SLC16A12: variants seen among roughly 807,000 people sequenced by gnomAD.
The protein encoded by SLC16A12 is solute carrier family 16 member 12, also known as monocarboxylate transporter 12.
SLC16A12 carries 17 observed loss-of-function variants against 42.4 expected under a neutral mutation model. The observed-to-expected ratio is 0.40, with a 90% confidence interval of 0.27 to 0.60. The LOEUF (loss-of-function observed/expected upper bound fraction) is 0.60. Ranked by LOEUF, SLC16A12 falls within the 20% of genes least tolerant of loss-of-function variation. SLC16A12 has a pLI of 0.42. For synonymous variants in SLC16A12, 224 were observed against 229.4 expected, an observed-to-expected ratio of 0.98 and a Z score of 0.21; for missense variants, 544 against 623.0, an observed-to-expected ratio of 0.87 and a Z score of 1.35.
intron 2 of SLC16A12, among the ~76,000 whole-genome samples, chr10:89,464,743 G>C (rs1842364072): frequency 6.6e-6 from 1 of 152,182 alleles, no homozygotes. Flanking sequence ...TTGGTGGCTT[G>C]TGACTTCAGA....
chr10:89,521,128 G>A (rs940225173), intron 2 of SLC16A12, among the ~76,000 whole-genome samples: 1 of 152,226 alleles, frequency 6.6e-6, no homozygotes, highest in South Asian at 2.1e-4. Context: ...AAATGCTGAA[G>A]TTGAGGACTT....
intron 2 of SLC16A12, among the ~76,000 whole-genome samples, chr10:89,549,230 A>G (rs1462661635): frequency 1.3e-5 from 2 of 152,246 alleles, no homozygotes; most frequent in Admixed American, 1.3e-4. Flanking sequence ...TTGAAGGAAT[A>G]TTTGATCAGG....
chr10:89,477,577 A>G (rs1009809906), intron 2 of SLC16A12, among the ~76,000 whole-genome samples: 1 of 151,678 alleles, frequency 6.6e-6, no homozygotes, highest in East Asian at 1.9e-4. Context: ...AAAAAAAAAA[A>G]AAAAAAAAAA....
intron 2 of SLC16A12, among the ~76,000 whole-genome samples, chr10:89,478,383 A>T (rs1178263384): frequency 6.6e-6 from 1 of 152,230 alleles, no homozygotes; most frequent in Non-Finnish European, 1.5e-5. Flanking sequence ...GTCAGAGAAC[A>T]GGGTGGAAGT....
intron 3 of SLC16A12, among the ~76,000 whole-genome samples, chr10:89,453,990 C>T (rs965027430): frequency 2.0e-5 from 3 of 151,502 alleles, no homozygotes; most frequent in South Asian, 2.1e-4. Flanking sequence ...CTCTCTTTAA[C>T]CTTTTTACTT....
intron 5 of SLC16A12, among the ~76,000 whole-genome samples, chr10:89,440,095 A>AAAG (rs1267490525): frequency 1.3e-5 from 2 of 151,338 alleles, no homozygotes; most frequent in African/African-American, 4.9e-5. Flanking sequence ...AAAAAAAAAA[A>AAAG]AAAAAGATCA....
At chr10:89,547,430 T>TA (rs1259651491) in intron 2 of SLC16A12, among the ~76,000 whole-genome samples, 2 of 152,232 alleles carry the variant, frequency 1.3e-5, no homozygotes, top group African/African-American at 4.8e-5. Flanking sequence ...CTATACTAGC[T>TA]AAATCCAGTA....
chr10:89,436,098 A>T lies in SLC16A12; in HGVS notation c.1250T>A (p.Leu417His). 6.2e-7 allele frequency: 1 copy of T among 1,614,016 alleles called. No individual in the cohort carries two copies. The highest frequency in any genetic ancestry group is 8.5e-7 in the Non-Finnish European group (1 of 1,179,946). The change falls in exon 7 of 8, where the codon CTT becomes CAT. Residue 417 changes from leucine to histidine, a missense_variant. Physicochemically the swap from Leu to His is moderately conservative, Grantham distance 99. Transcript: ENST00000371790. ...LSSALGVVYFLHAVPYLVSPP... is the reference protein window; with the variant it reads ...LSSALGVVYFHHAVPYLVSPP... ...GCTCACCAAGTATGGCACTGCGTGA[A>T]GGAAGTATACCACACCAAGCGCTGA...
chr10:89,504,782 A>T lies in SLC16A12; in HGVS notation c.-47+29719T>A, dbSNP rs545133635. ...GAAGGTGGATGAGAGAAGCAGAAAG[A>T]CATATGCTGGGGCCTGATTACAATG... On this transcript the variant is annotated intron_variant, in intron 2 of 7. Transcript: ENST00000371790. Among the ~76,000 whole-genome samples, 6 of 152,302 alleles carry T rather than the reference A, an allele frequency of 3.9e-5. No homozygotes were observed. The South Asian group carries it at 1.2e-3, about 32-fold the overall frequency.
intron 2 of SLC16A12, among the ~76,000 whole-genome samples, chr10:89,497,467 A>C (rs1320790490): frequency 6.6e-6 from 1 of 152,218 alleles, no homozygotes; most frequent in Non-Finnish European, 1.5e-5. Context: ...GAACTCAAAG[A>C]CCAGGTCTTT....
intron 2 of SLC16A12, among the ~76,000 whole-genome samples, chr10:89,490,519 G>A (rs527462471): frequency 1.3e-5 from 2 of 152,210 alleles, no homozygotes; most frequent in African/African-American, 4.8e-5. Context: ...ACAGAACTCA[G>A]GGAAAAATCT....
At chr10:89,532,197 A>G (rs1390140412) in intron 2 of SLC16A12, among the ~76,000 whole-genome samples, 1 of 152,244 alleles carries the variant, frequency 6.6e-6, no homozygotes, top group Non-Finnish European at 1.5e-5. Context: ...TTCATGCAAC[A>G]TCTTACCTGG....
rs1011685672 is a variant in SLC16A12 at position 89,430,309 on chromosome 10, T to C, written c.*2755A>G. 10 of 231,582 alleles carry C rather than the reference T, an allele frequency of 4.3e-5. No homozygotes were observed. The Admixed American group carries it at 4.8e-4, about 11-fold the overall frequency. 14.3% of individuals were successfully genotyped at this position (231,582 alleles called of 1,614,324 possible). On this transcript the variant is annotated 3_prime_UTR_variant, in exon 8 of 8. Transcript: ENST00000371790. ...AAATGTCTTTCCAAACACAGGACAA[T>C]AAATTCATTTTATTTTGCTTTTGAA...
intron 2 of SLC16A12, among the ~76,000 whole-genome samples, chr10:89,514,896 G>A (rs980629214): frequency 1.3e-5 from 2 of 152,120 alleles, no homozygotes; most frequent in Admixed American, 6.5e-5. Flanking sequence ...TTCGAGACCA[G>A]CCTGGCCAAC....
In SLC16A12 at chr10:89,442,045, G is replaced by A. The variant is rs575439403; in HGVS notation, c.305-794C>T. Among the ~76,000 whole-genome samples, 21 of 152,282 alleles carry A rather than the reference G, an allele frequency of 1.4e-4. 1 individual carries two copies. In the East Asian group the frequency reaches 3.9e-3, roughly 28 times the overall value. ...ATGGCAGGAGTGATGGGTGAGGAAG[G>A]CATGTGAATTTCCTTCTAAGGAAAA... On this transcript the variant is annotated intron_variant, in intron 4 of 7. Transcript: ENST00000371790.
At position 89,498,238 on chromosome 10, in the gene SLC16A12, G is replaced by T. The variant is rs906700494; in HGVS notation, c.-46-35614C>A. Among the ~76,000 whole-genome samples the T allele has an allele frequency of 1.8e-4, 27 of 152,120 alleles. 2 individuals are homozygous for T. The highest frequency in any genetic ancestry group is 5.9e-5 in the Non-Finnish European group (4 of 68,022). ...GGGTGGTAGAGGGTGGGGGTGAGGT[G>T]GGAAGATGGCTTGAGCCCAGAAGGT... On this transcript the variant is annotated intron_variant, in intron 2 of 7. Coordinates refer to ENST00000371790, the MANE Select transcript of SLC16A12 (RefSeq NM_213606.4).
intron 2 of SLC16A12, 112 bp from the exon 3 acceptor site, chr10:89,462,736 A>T: frequency 7.5e-6 from 9 of 1,203,578 alleles, no homozygotes; most frequent in Middle Eastern, 2.8e-4. Context: ...GAGTATTTGT[A>T]ACTATGAATA....
chr10:89,434,289 A>G (rs773821531), intron 7 of SLC16A12, among the ~76,000 whole-genome samples: 5 of 152,252 alleles, frequency 3.3e-5, no homozygotes, highest in South Asian at 2.1e-4. Context: ...AAATGATACA[A>G]TAAGAATTAA....
chr10:89,491,219 G>C (rs1426405454), intron 2 of SLC16A12, among the ~76,000 whole-genome samples: 2 of 152,138 alleles, frequency 1.3e-5, no homozygotes, highest in South Asian at 2.1e-4. Flanking sequence ...CTGCCCAAGA[G>C]GGCCTGCTGG....
Sources: gnomAD v4.1 joint callset for allele counts (sites outside exome capture counted in the v4.1 genomes callset) on GRCh38, gnomAD v4.1.1 for gene constraint, MANE v1.5 for transcripts, NCBI Gene and HGNC (gene_info 2026-07-23, HGNC 2026-07-21) for gene names.